Variants in EYS observed in about 807,000 individuals in gnomAD.
The protein encoded by EYS is protein eyes shut homolog.
EYS carries 250 observed loss-of-function variants against 282.1 expected under a neutral mutation model. The ratio of observed to expected loss-of-function variants is 0.89; its 90% CI spans 0.80 to 0.98. EYS has a LOEUF of 0.98. Among genes scored for constraint, EYS ranks in the 50% least tolerant of loss-of-function variants. The pLI is 0.00. For synonymous variants in EYS, 1,355 were observed against 1,282.9 expected (o/e 1.06, Z -1.20); for missense variants, 4,016 against 3,709.0 (o/e 1.08, Z -2.15).
chr6:64,673,576 A>G (rs1769543712), intron 22 of EYS, among the ~76,000 whole-genome samples: 1 of 152,124 alleles, frequency 6.6e-6, no homozygotes, highest in African/African-American at 2.4e-5. Flanking sequence ...ACATTTGCTG[A>G]GAATTAGAAT....
intron 13 of EYS, among the ~76,000 whole-genome samples, chr6:65,003,001 CACAAATTGT>C (rs1771516512): frequency 6.8e-6 from 1 of 147,178 alleles, no homozygotes. Flanking sequence ...GCATTAACTG[CACAAATTGT>C]ACAGCATGTG....
chr6:65,521,808 T>C (rs1255313932), intron 2 of EYS, among the ~76,000 whole-genome samples: 1 of 152,204 alleles, frequency 6.6e-6, no homozygotes. Context: ...CCTCAAATTA[T>C]GAAGGGCAGA....
chr6:64,691,409 T>C (rs1770377438), intron 22 of EYS, among the ~76,000 whole-genome samples: 1 of 152,212 alleles, frequency 6.6e-6, no homozygotes, highest in Non-Finnish European at 1.5e-5. Context: ...TAATAACTAA[T>C]GAATAGAGTA....
intron 26 of EYS, among the ~76,000 whole-genome samples, chr6:64,546,710 A>T (rs1166549639): frequency 1.3e-5 from 2 of 152,234 alleles, no homozygotes; most frequent in Non-Finnish European, 2.9e-5. Flanking sequence ...AAGTGGGCAA[A>T]GGATATGAAC....
At chr6:64,617,281 T>C in intron 24 of EYS, 137 bp downstream of exon 24, 1 of 627,080 alleles carries the variant, frequency 1.6e-6, no homozygotes, top group South Asian at 1.9e-5. Context: ...GAGAAAAGTG[T>C]AGCGTGCACA....
intron 19 of EYS, among the ~76,000 whole-genome samples, chr6:64,865,297 A>T (rs1386090176): frequency 6.6e-6 from 1 of 152,160 alleles, no homozygotes; most frequent in Non-Finnish European, 1.5e-5. Context: ...ACTGTTAAGA[A>T]AATAAAAGAG....
chr6:64,395,525 C>T (rs910757878), intron 28 of EYS, among the ~76,000 whole-genome samples: 1 of 151,402 alleles, frequency 6.6e-6, no homozygotes. Context: ...AGTAAACTAT[C>T]GCAAGAACAA....
At chr6:64,198,652 G>A (rs1765372485) in intron 31 of EYS, among the ~76,000 whole-genome samples, 1 of 152,130 alleles carries the variant, frequency 6.6e-6, no homozygotes, top group African/African-American at 2.4e-5. Context: ...CAAAGGATGT[G>A]AACTAACCTT....
chr6:65,107,823 GTTGCCCTAGATATTATGAT>G (rs1241399110), intron 12 of EYS, among the ~76,000 whole-genome samples: 5 of 151,526 alleles, frequency 3.3e-5, no homozygotes, highest in African/African-American at 1.2e-4. Flanking sequence ...ATACTACTTG[GTTGCCCTAGATATTATGAT>G]TTACATCCTT....
chr6:64,895,727 G>T (rs1767439011), intron 18 of EYS, among the ~76,000 whole-genome samples: 1 of 152,058 alleles, frequency 6.6e-6, no homozygotes, highest in South Asian at 2.1e-4. Flanking sequence ...AGCAGACATG[G>T]CTTATTTATA....
At chr6:64,811,506 G>A (rs1764596569) in intron 22 of EYS, among the ~76,000 whole-genome samples, 2 of 152,096 alleles carry the variant, frequency 1.3e-5, no homozygotes, top group South Asian at 2.1e-4. Flanking sequence ...TATGGTTTAG[G>A]TGTCCATACC....
At chr6:64,604,026 T>A (rs950606070) in intron 24 of EYS, among the ~76,000 whole-genome samples, 2 of 151,948 alleles carry the variant, frequency 1.3e-5, no homozygotes, top group South Asian at 4.1e-4. Context: ...ATTCCCCTAA[T>A]CTGCATTATT....
intron 26 of EYS, among the ~76,000 whole-genome samples, chr6:64,560,877 A>G (rs1310997888): frequency 6.6e-6 from 1 of 152,114 alleles, no homozygotes; most frequent in African/African-American, 2.4e-5. Flanking sequence ...AACCTGGCAG[A>G]GACACAGCAA....
At chr6:65,457,986 C>T (rs1235378298) in intron 5 of EYS, among the ~76,000 whole-genome samples, 1 of 152,092 alleles carries the variant, frequency 6.6e-6, no homozygotes, top group Non-Finnish European at 1.5e-5. Flanking sequence ...CCAGGGAGAA[C>T]CAGGGAGCAA....
At chr6:65,073,043 A>T (rs113066745) in intron 12 of EYS, among the ~76,000 whole-genome samples, 1,633 of 151,652 alleles carry the variant, frequency 0.011, 34 homozygotes, top group African/African-American at 0.037. Flanking sequence ...ACTTTCCTGA[A>T]AAAGAAAAAG....
chr6:65,249,989 G>T (rs1035943879), intron 12 of EYS, among the ~76,000 whole-genome samples: 1 of 152,062 alleles, frequency 6.6e-6, no homozygotes, highest in African/African-American at 2.4e-5. Context: ...GTGTAAGAGA[G>T]GTTCAAGCAT....
At chr6:64,940,136 G>A (rs2150092312) in intron 15 of EYS, among the ~76,000 whole-genome samples, 1 of 152,040 alleles carries the variant, frequency 6.6e-6, no homozygotes, top group African/African-American at 2.4e-5. Flanking sequence ...CCCACTCTTT[G>A]AAACCATCCC....
chr6:65,411,589 A>G (rs1218027296), intron 5 of EYS, among the ~76,000 whole-genome samples: 1 of 151,966 alleles, frequency 6.6e-6, no homozygotes, highest in Non-Finnish European at 1.5e-5. Context: ...CATGATTACA[A>G]AGATCTCTCT....
chr6:65,003,748 A>G (rs1771544000), intron 13 of EYS, among the ~76,000 whole-genome samples: 1 of 147,398 alleles, frequency 6.8e-6, no homozygotes, highest in South Asian at 2.2e-4. Context: ...ACCTACGTGA[A>G]TATCAGGGCA....
Sources: gnomAD v4.1 joint callset for allele counts (sites outside exome capture counted in the v4.1 genomes callset) on GRCh38, gnomAD v4.1.1 for gene constraint, MANE v1.5 for transcripts, NCBI Gene and HGNC (gene_info 2026-07-23, HGNC 2026-07-21) for gene names.